Variants in EYS observed in about 807,000 individuals in gnomAD.
The protein encoded by EYS is EGF-like photoreceptor maintenance factor.
EYS carries 250 observed loss-of-function variants against 282.1 expected under a neutral mutation model. The ratio of observed to expected loss-of-function variants is 0.89; its 90% CI spans 0.80 to 0.98. The LOEUF (loss-of-function observed/expected upper bound fraction) is 0.98, where lower values mean the gene tolerates loss of function less well. EYS is among the 50% of genes least tolerant of loss of function. The pLI, the probability that EYS is intolerant of heterozygous loss-of-function variation, is 0.00. For synonymous variants in EYS, 1,355 were observed against 1,282.9 expected, an observed-to-expected ratio of 1.06 and a Z score of -1.20; for missense variants, 4,016 against 3,709.0, an observed-to-expected ratio of 1.08 and a Z score of -2.15.
At chr6:65,118,555 G>A (rs749292878) in intron 12 of EYS, among the ~76,000 whole-genome samples, 2 of 152,138 alleles carry the variant, frequency 1.3e-5, no homozygotes, top group African/African-American at 2.4e-5. Flanking sequence ...CGTCAAGCTG[G>A]CTGGATATCC....
intron 2 of EYS, among the ~76,000 whole-genome samples, chr6:65,555,800 C>A (rs1237057655): frequency 1.3e-5 from 2 of 152,056 alleles, no homozygotes; most frequent in Non-Finnish European, 2.9e-5. Flanking sequence ...TTGAGTAGTT[C>A]AAATTCAGGT....
intron 1 of EYS, among the ~76,000 whole-genome samples, chr6:65,657,936 C>A (rs897352489): frequency 1.3e-5 from 2 of 151,766 alleles, no homozygotes; most frequent in Middle Eastern, 3.2e-3. Flanking sequence ...AATATTGAGG[C>A]AAGATCCTCC....
At chr6:65,363,678 A>G (rs1265279525) in intron 8 of EYS, among the ~76,000 whole-genome samples, 1 of 151,918 alleles carries the variant, frequency 6.6e-6, no homozygotes, top group Middle Eastern at 3.4e-3. Context: ...CTTTTAATAC[A>G]AGTCAAGTTT....
intron 12 of EYS, among the ~76,000 whole-genome samples, chr6:65,095,995 A>G (rs932365933): frequency 1.3e-5 from 2 of 151,116 alleles, no homozygotes; most frequent in African/African-American, 4.8e-5. Flanking sequence ...TCAGAAAGGA[A>G]GAATTAAACG....
intron 14 of EYS, among the ~76,000 whole-genome samples, chr6:64,992,074 G>C (rs943727568): frequency 6.6e-6 from 1 of 151,740 alleles, no homozygotes; most frequent in Non-Finnish European, 1.5e-5. Context: ...TTTTAAGCAC[G>C]TGTCTTTTCA....
intron 26 of EYS, among the ~76,000 whole-genome samples, chr6:64,523,675 A>G (rs1777828045): frequency 6.6e-6 from 1 of 151,710 alleles, no homozygotes; most frequent in African/African-American, 2.4e-5. Context: ...GTGTGATAAA[A>G]GATAATAAAG....
chr6:65,351,084 T>C (rs958287587), intron 9 of EYS, among the ~76,000 whole-genome samples: 2 of 151,754 alleles, frequency 1.3e-5, no homozygotes, highest in African/African-American at 4.8e-5. Context: ...ATAATTCTAT[T>C]TACATATGTT....
intron 34 of EYS, among the ~76,000 whole-genome samples, chr6:63,989,782 C>A (rs1231877479): frequency 2.0e-5 from 3 of 151,430 alleles, no homozygotes; most frequent in Non-Finnish European, 4.4e-5. Flanking sequence ...GATGTCCTTA[C>A]AAGATCCCAC....
At chr6:64,062,151 G>C (rs916413278) in intron 33 of EYS, among the ~76,000 whole-genome samples, 1 of 152,082 alleles carries the variant, frequency 6.6e-6, no homozygotes, top group Non-Finnish European at 1.5e-5. Context: ...GTTGGAAAAA[G>C]CCGTACCAAA....
chr6:65,524,753 G>C (rs1005372325), intron 2 of EYS, among the ~76,000 whole-genome samples: 3 of 152,106 alleles, frequency 2.0e-5, no homozygotes, highest in Non-Finnish European at 2.9e-5. Flanking sequence ...GCCCATGAAT[G>C]GTAGTTCTAG....
intron 14 of EYS, among the ~76,000 whole-genome samples, chr6:64,958,732 C>A (rs1384361343): frequency 7.1e-5 from 2 of 28,016 alleles, no homozygotes; most frequent in East Asian, 1.2e-3. Context: ...GAGACTCCGT[C>A]TCAAAAAAAA....
intron 2 of EYS, among the ~76,000 whole-genome samples, chr6:65,543,359 T>C (rs1346317567): frequency 6.7e-6 from 1 of 148,778 alleles, no homozygotes; most frequent in African/African-American, 2.4e-5. Context: ...TAATTATGTT[T>C]TGCTAAATAT....
chr6:64,307,042 A>T lies in EYS; in HGVS notation c.6119T>A (p.Val2040Asp), dbSNP rs201580493. ...AGATCTCCAGTTATTTATTTCTATA[A>T]CTTCTATGCAGCCAGTAAAATTCTT... Reference protein sequence around the residue: ...PVKNFTGCIEVIEINNWRSFI... With the variant: ...PVKNFTGCIEDIEINNWRSFI... The change falls in exon 30 of 43, where the codon GTT (valine) becomes GAT (aspartate). Residue 2040 changes from valine to aspartate, a missense_variant. Physicochemically the swap from Val to Asp is radical, Grantham distance 152. Coordinates refer to ENST00000503581, the MANE Select transcript of EYS (RefSeq NM_001142800.2). 1,812 of 1,542,280 alleles carry T rather than the reference A, an allele frequency of 1.2e-3. 13 individuals are homozygous for T. The Middle Eastern group carries it at 0.028, about 24-fold the overall frequency.
At chr6:63,952,008 T>A (rs62413038) in intron 35 of EYS, among the ~76,000 whole-genome samples, 1 of 151,920 alleles carries the variant, frequency 6.6e-6, no homozygotes, top group Non-Finnish European at 1.5e-5. Flanking sequence ...CCCACAAAAG[T>A]ACTCAACTAA....
At chr6:65,082,766 ATATAT>A (rs772954579) in intron 12 of EYS, among the ~76,000 whole-genome samples, 24 of 151,848 alleles carry the variant, frequency 1.6e-4, no homozygotes, top group East Asian at 1.5e-3. Flanking sequence ...GCCTGTTTTG[ATATAT>A]TATATTAATC....
At chr6:64,636,388 T>G (rs1017976436) in intron 22 of EYS, among the ~76,000 whole-genome samples, 1 of 152,230 alleles carries the variant, frequency 6.6e-6, no homozygotes, top group South Asian at 2.1e-4. Flanking sequence ...GCTAGCCATA[T>G]GTAGAAAGCT....
At chr6:64,732,919 C>A (rs1420904871) in intron 22 of EYS, among the ~76,000 whole-genome samples, 1 of 152,178 alleles carries the variant, frequency 6.6e-6, no homozygotes, top group Admixed American at 6.5e-5. Flanking sequence ...ACAATTTTCT[C>A]TAAAACACTA....
intron 12 of EYS, among the ~76,000 whole-genome samples, chr6:65,137,997 A>C (rs968391682): frequency 6.6e-6 from 1 of 152,112 alleles, no homozygotes. Context: ...AAATAAAAAA[A>C]GAACAAAAAA....
intron 1 of EYS, among the ~76,000 whole-genome samples, chr6:65,666,271 A>T (rs767508334): frequency 9.9e-5 from 15 of 151,876 alleles, no homozygotes; most frequent in Non-Finnish European, 1.9e-4. Flanking sequence ...AAATATCTAT[A>T]GACACATTGG....
Sources: gnomAD v4.1 joint callset for allele counts (sites outside exome capture counted in the v4.1 genomes callset) on GRCh38, gnomAD v4.1.1 for gene constraint, MANE v1.5 for transcripts, NCBI Gene and HGNC (gene_info 2026-07-23, HGNC 2026-07-21) for gene names.